AXDND1: variants seen among roughly 807,000 people sequenced by gnomAD.
The protein encoded by AXDND1 is axonemal dynein light chain domain containing 1.
Under a neutral mutation model 137.5 loss-of-function variants are expected in AXDND1, and 110 were observed. The observed-to-expected ratio is 0.80, with a 90% CI of 0.69 to 0.94. The LOEUF (loss-of-function observed/expected upper bound fraction) is 0.94. Ranked by LOEUF, AXDND1 falls within the 40% of genes least tolerant of loss-of-function variation. The probability of loss-of-function intolerance (pLI) is 0.00; values close to 1 mark genes in which losing one functional copy is unlikely to be tolerated. For synonymous variants in AXDND1, 414 were observed against 399.7 expected (o/e 1.04, Z -0.43); for missense variants, 1,191 against 1,169.8 (o/e 1.02, Z -0.26).
chr1:179,470,577 G>T (rs561463701), intron 17 of AXDND1, among the ~76,000 whole-genome samples: 16 of 152,102 alleles, frequency 1.1e-4, no homozygotes, highest in Admixed American at 3.3e-4. Context: ...CTTTATTTCA[G>T]ATTGTTTATT....
chr1:179,551,549 C>T (rs1341162719), intron 25 of AXDND1: 3 of 1,407,390 alleles, frequency 2.1e-6, no homozygotes, highest in Non-Finnish European at 3.0e-6. Flanking sequence ...TGAGCATCTA[C>T]TATGTGGCAA....
intron 15 of AXDND1, among the ~76,000 whole-genome samples, chr1:179,443,410 A>G (rs1198948056): frequency 1.3e-5 from 2 of 152,218 alleles, no homozygotes; most frequent in Non-Finnish European, 2.9e-5. Context: ...TATACAACAC[A>G]AAATTTACCA....
At chr1:179,376,138 G>A (rs1261788476) in intron 4 of AXDND1, among the ~76,000 whole-genome samples, 1 of 152,008 alleles carries the variant, frequency 6.6e-6, no homozygotes, top group Non-Finnish European at 1.5e-5. Context: ...TTAGACTAAA[G>A]CCCAACATGT....
chr1:179,416,303 G>A (rs937210389), intron 12 of AXDND1, among the ~76,000 whole-genome samples: 3 of 152,226 alleles, frequency 2.0e-5, no homozygotes, highest in African/African-American at 7.2e-5. Context: ...TATTCCATTG[G>A]GTTTATATAC....
chr1:179,381,943 A>AATT (rs768004608), intron 6 of AXDND1, among the ~76,000 whole-genome samples: 4 of 105,434 alleles, frequency 3.8e-5, no homozygotes, highest in African/African-American at 1.5e-4. Context: ...ACCACACCTA[A>AATT]TTTTTTTTTT....
intron 21 of AXDND1, among the ~76,000 whole-genome samples, chr1:179,516,144 A>G (rs1669514558): frequency 1.3e-5 from 2 of 151,740 alleles, no homozygotes; most frequent in African/African-American, 2.4e-5. Context: ...CTTTGTTCAT[A>G]TTTTCTTTTT....
intron 15 of AXDND1, among the ~76,000 whole-genome samples, chr1:179,441,143 C>T (rs77833559): frequency 6.6e-6 from 1 of 152,152 alleles, no homozygotes; most frequent in African/African-American, 2.4e-5. Context: ...GCCCTTGTCT[C>T]GTTACCCGGC....
At chr1:179,459,942 CTCTTT>C (rs932739800) in intron 16 of AXDND1, among the ~76,000 whole-genome samples, 24 of 139,332 alleles carry the variant, frequency 1.7e-4, no homozygotes, top group Admixed American at 1.1e-3. Context: ...CCTTCTCTCT[CTCTTT>C]TCTTTTCTTC....
chr1:179,471,033 T>C (rs1382469646), intron 17 of AXDND1, among the ~76,000 whole-genome samples: 1 of 152,204 alleles, frequency 6.6e-6, no homozygotes, highest in East Asian at 1.9e-4. Context: ...CATGTTCATA[T>C]GATGTATTAC....
intron 12 of AXDND1, among the ~76,000 whole-genome samples, chr1:179,419,487 G>A (rs1027740289): frequency 4.7e-5 from 7 of 149,176 alleles, no homozygotes; most frequent in African/African-American, 1.2e-4. Context: ...GGCGGCGTGC[G>A]CCTGCAATCG....
chr1:179,409,838 C>T (rs749255612), intron 11 of AXDND1, among the ~76,000 whole-genome samples: 3 of 151,878 alleles, frequency 2.0e-5, no homozygotes, highest in Non-Finnish European at 2.9e-5. Flanking sequence ...CGAAACAAAA[C>T]AAAAATAATA....
At chr1:179,429,937 G>A (rs1337034162) in intron 13 of AXDND1, among the ~76,000 whole-genome samples, 1 of 148,042 alleles carries the variant, frequency 6.8e-6, no homozygotes, top group Non-Finnish European at 1.5e-5. Flanking sequence ...AATTTTATGG[G>A]AAAATTCAGT....
chr1:179,498,325 T>C (rs1341072322), intron 20 of AXDND1, among the ~76,000 whole-genome samples: 3 of 151,846 alleles, frequency 2.0e-5, no homozygotes, highest in African/African-American at 7.2e-5. Context: ...TGGAACATAA[T>C]AGAAAACTTA....
chr1:179,422,491 G>GA (rs1375512431), intron 12 of AXDND1, among the ~76,000 whole-genome samples: 1 of 152,230 alleles, frequency 6.6e-6, no homozygotes, highest in East Asian at 1.9e-4. Flanking sequence ...ATTGTGGTCA[G>GA]AAAAAATACT....
chr1:179,388,839 G>A (rs997924281), intron 9 of AXDND1, among the ~76,000 whole-genome samples: 1 of 150,714 alleles, frequency 6.6e-6, no homozygotes, highest in Admixed American at 6.7e-5. Context: ...CAAGCGATCC[G>A]CCCACCTCAG....
chr1:179,469,451 G>T (rs10913781), intron 17 of AXDND1, among the ~76,000 whole-genome samples: 21,019 of 152,022 alleles, frequency 0.14, 1,598 homozygotes, highest in East Asian at 0.35. Flanking sequence ...TGGCCTTAAT[G>T]AGTAATGTTT....
intron 16 of AXDND1, among the ~76,000 whole-genome samples, chr1:179,462,755 G>C (rs978232097): frequency 3.3e-5 from 5 of 151,464 alleles, no homozygotes; most frequent in Non-Finnish European, 7.4e-5. Context: ...ACTTCTTCCT[G>C]TTTTTTTCAG....
intron 9 of AXDND1, among the ~76,000 whole-genome samples, chr1:179,386,121 G>A (rs12403842): frequency 0.11 from 15,846 of 144,526 alleles, 1,030 homozygotes; most frequent in East Asian, 0.35. Context: ...GCGCGATCTC[G>A]GCTCACTGCA....
At chr1:179,506,809 A>T (rs751027486) in intron 20 of AXDND1, 163 of 978,082 alleles carry the variant, frequency 1.7e-4, no homozygotes, top group Non-Finnish European at 1.9e-4. Flanking sequence ...CTTGGACCAC[A>T]ATAGGCTTTC....
Sources: gnomAD v4.1 joint callset for allele counts (sites outside exome capture counted in the v4.1 genomes callset) on GRCh38, gnomAD v4.1.1 for gene constraint, MANE v1.5 for transcripts, NCBI Gene and HGNC (gene_info 2026-07-23, HGNC 2026-07-21) for gene names.